Variants in RGS6 observed in about 807,000 individuals in gnomAD.
RGS6 encodes the protein regulator of G-protein signaling 6.
A neutral mutation model predicts 78.5 loss-of-function variants in RGS6; 30 were observed. The observed-to-expected ratio is 0.38, with a 90% CI of 0.29 to 0.52. The LOEUF is 0.52. Among genes scored for constraint, RGS6 ranks in the 20% least tolerant of loss-of-function variants. The pLI is 0.85. For synonymous variants in RGS6, 206 were observed against 206.0 expected (o/e 1.00, Z 0.00); for missense variants, 495 against 609.7 (o/e 0.81, Z 1.98).
rs2096622505 is a variant in RGS6, at chr14:72,494,771, T to G, written c.855-381T>G. Among the ~76,000 whole-genome samples, 8 of 152,226 alleles carry G rather than the reference T, an allele frequency of 5.3e-5. No homozygotes were observed. In the South Asian group the frequency reaches 1.7e-3, roughly 32 times the overall value. On this transcript the variant is annotated intron_variant, in intron 12 of 17. Transcript: ENST00000553525. ...GGCAGTCTGGTGGAGCTGTAGTGTC[T>G]TTTGTGTGTTCCAGATGCCTCGAGA...
chr14:72,134,539 T>C (rs149333991), intron 2 of RGS6, among the ~76,000 whole-genome samples: 63 of 152,324 alleles, frequency 4.1e-4, no homozygotes, highest in African/African-American at 1.5e-3. Flanking sequence ...GAGGCAGGCA[T>C]GTGCCATTTA....
At chr14:72,375,857 A>G (rs2084576917) in intron 3 of RGS6, among the ~76,000 whole-genome samples, 2 of 152,180 alleles carry the variant, frequency 1.3e-5, no homozygotes, top group African/African-American at 2.4e-5. Flanking sequence ...CAACACCCAC[A>G]TAAATGAATA....
chr14:72,263,392 AT>A (rs1200871853), intron 2 of RGS6, among the ~76,000 whole-genome samples: 1 of 151,936 alleles, frequency 6.6e-6, no homozygotes, highest in East Asian at 1.9e-4. Flanking sequence ...CCACCTGGAG[AT>A]TTGGCTCCAG....
At chr14:71,988,954 A>G (rs944982108) in intron 2 of RGS6, among the ~76,000 whole-genome samples, 3 of 152,066 alleles carry the variant, frequency 2.0e-5, no homozygotes, top group Non-Finnish European at 4.4e-5. Context: ...TATTGATGAG[A>G]TTTTTGTTTG....
the RGS6 span, among the ~76,000 whole-genome samples, chr14:72,617,635 G>A: frequency 6.6e-6 from 1 of 152,164 alleles, no homozygotes; most frequent in African/African-American, 2.4e-5. Context: ...CTGAAGCGTG[G>A]GGGAGACCCA....
At chr14:71,888,923 A>G in the RGS6 span, among the ~76,000 whole-genome samples, 1 of 152,216 alleles carries the variant, frequency 6.6e-6, no homozygotes, top group East Asian at 1.9e-4. Flanking sequence ...TGAAAAGAGC[A>G]TGAAGTCAGG....
chr14:72,404,468 G>A (rs557788832), intron 3 of RGS6, among the ~76,000 whole-genome samples: 3 of 152,254 alleles, frequency 2.0e-5, no homozygotes, highest in South Asian at 4.2e-4. Flanking sequence ...TTTACCCCAG[G>A]GAAACCCCTG....
chr14:71,927,681 G>T (rs1261991113), upstream of RGS6, among the ~76,000 whole-genome samples: 1 of 149,194 alleles, frequency 6.7e-6, no homozygotes, highest in African/African-American at 2.5e-5. Context: ...TTTTTGAGAC[G>T]GAGTTTCGCT....
intron 3 of RGS6, among the ~76,000 whole-genome samples, chr14:72,436,726 A>G (rs553920374): frequency 1.5e-3 from 227 of 152,368 alleles, no homozygotes; most frequent in Non-Finnish European, 2.2e-3. Flanking sequence ...TACTATTAAT[A>G]TCAGAAGTCA....
chr14:72,287,060 A>G (rs1414319773), intron 2 of RGS6, among the ~76,000 whole-genome samples: 1 of 152,220 alleles, frequency 6.6e-6, no homozygotes, highest in Non-Finnish European at 1.5e-5. Context: ...CTGGCCTCCC[A>G]GGTGCAAACT....
At chr14:71,952,980 T>G (rs999391887) in intron 1 of RGS6, among the ~76,000 whole-genome samples, 16 of 152,202 alleles carry the variant, frequency 1.1e-4, no homozygotes, top group Admixed American at 1.0e-3. Flanking sequence ...TGGCAACGCT[T>G]CTCTGTCACT....
chr14:72,278,970 G>A (rs2061149768), intron 2 of RGS6, among the ~76,000 whole-genome samples: 1 of 152,056 alleles, frequency 6.6e-6, no homozygotes, highest in Non-Finnish European at 1.5e-5. Context: ...CATGTGGAGA[G>A]AACAGGCTCT....
intron 2 of RGS6, among the ~76,000 whole-genome samples, chr14:72,236,880 G>A (rs540627935): frequency 7.2e-5 from 11 of 152,342 alleles, no homozygotes; most frequent in African/African-American, 2.2e-4. Flanking sequence ...GATGGGCGGC[G>A]GCCGGGCAAA....
chr14:71,874,627 C>G, the RGS6 span, among the ~76,000 whole-genome samples: 4 of 152,050 alleles, frequency 2.6e-5, no homozygotes, highest in Non-Finnish European at 5.9e-5. Flanking sequence ...AAATGAATAC[C>G]CTTTATTTCT....
rs577158975 is a variant in RGS6 at position 72,161,995 on chromosome 14, C to T, written c.85-190100C>T. Among the ~76,000 whole-genome samples, 133 of 152,288 alleles carry T rather than the reference C, an allele frequency of 8.7e-4. 2 individuals are homozygous for T. The highest frequency in any genetic ancestry group is 3.1e-3 in the African/African-American group (128 of 41,560). The stretch of plus-strand genomic sequence containing the variant: ...TTCCTCTCATCTAGTCCTCTGTGTT[C>T]TTGTAATATACGCAAGGGCAAGATT... On this transcript the variant is annotated intron_variant, in intron 2 of 17. Transcript: ENST00000553525.
At chr14:72,404,769 TC>T (rs2092771211) in intron 3 of RGS6, among the ~76,000 whole-genome samples, 3 of 152,136 alleles carry the variant, frequency 2.0e-5, no homozygotes, top group African/African-American at 7.2e-5. Flanking sequence ...CAGGTGGAAT[TC>T]GAGTGCCTGA....
At chr14:72,197,231 G>A (rs2040393022) in intron 2 of RGS6, among the ~76,000 whole-genome samples, 1 of 151,950 alleles carries the variant, frequency 6.6e-6, no homozygotes, top group African/African-American at 2.4e-5. Flanking sequence ...ATGCCTGGCT[G>A]ATTTTTGTAT....
intron 2 of RGS6, among the ~76,000 whole-genome samples, chr14:72,228,298 T>C (rs1464042007): frequency 6.6e-6 from 1 of 152,040 alleles, no homozygotes; most frequent in African/African-American, 2.4e-5. Context: ...GGAGAATTCC[T>C]TGAACCCAGG....
intron 3 of RGS6, among the ~76,000 whole-genome samples, chr14:72,434,416 A>T (rs1309548312): frequency 6.6e-6 from 1 of 152,216 alleles, no homozygotes; most frequent in Non-Finnish European, 1.5e-5. Flanking sequence ...AAGTGTTCTG[A>T]GCACCCAGGT....
Sources: gnomAD v4.1 joint callset for allele counts (sites outside exome capture counted in the v4.1 genomes callset) on GRCh38, gnomAD v4.1.1 for gene constraint, MANE v1.5 for transcripts, NCBI Gene and HGNC (gene_info 2026-07-23, HGNC 2026-07-21) for gene names.